The following DOK6 variants were observed in gnomAD, a reference collection of about 807,000 sequenced individuals.
DOK6 encodes downstream of tyrosine kinase 6.
Under a neutral mutation model 44.0 loss-of-function variants are expected in DOK6, and 22 were observed. The ratio of observed to expected loss-of-function variants is 0.50; its 90% CI spans 0.36 to 0.71. The LOEUF (loss-of-function observed/expected upper bound fraction) is 0.71. Among genes scored for constraint, DOK6 ranks in the 30% least tolerant of loss-of-function variants. The pLI, the probability that DOK6 is intolerant of heterozygous loss-of-function variation, is 0.00. For missense variants in DOK6, 340 were observed against 416.4 expected (o/e 0.82, Z 1.60); for synonymous variants, 166 against 145.5 (o/e 1.14, Z -1.01).
chr18:69,414,253 A>T (rs1193676709), intron 1 of DOK6, among the ~76,000 whole-genome samples: 2 of 152,096 alleles, frequency 1.3e-5, no homozygotes, highest in African/African-American at 4.8e-5. Context: ...TGTCAGAGGA[A>T]TGAAACTTCT....
intron 3 of DOK6, among the ~76,000 whole-genome samples, chr18:69,676,123 A>G (rs768435408): frequency 1.3e-5 from 2 of 152,172 alleles, no homozygotes; most frequent in African/African-American, 2.4e-5. Flanking sequence ...TCCTTGACAT[A>G]GTTTGATAGT....
At chr18:69,777,258 T>C (rs934360911) in intron 7 of DOK6, among the ~76,000 whole-genome samples, 1 of 152,086 alleles carries the variant, frequency 6.6e-6, no homozygotes, top group African/African-American at 2.4e-5. Flanking sequence ...ATTATTTTCA[T>C]TAATATTAAG....
chr18:69,715,555 AGTC>A (rs1243347569), intron 5 of DOK6, among the ~76,000 whole-genome samples: 14 of 152,352 alleles, frequency 9.2e-5, no homozygotes, highest in African/African-American at 3.1e-4. Flanking sequence ...CAGAGCTGTC[AGTC>A]GAGTGCATTG....
intron 1 of DOK6, among the ~76,000 whole-genome samples, chr18:69,466,162 C>T (rs908178058): frequency 6.6e-6 from 1 of 152,104 alleles, no homozygotes; most frequent in Non-Finnish European, 1.5e-5. Flanking sequence ...AAACATTATT[C>T]TATTCCTCCG....
chr18:69,607,065 A>T (rs1361957911), intron 3 of DOK6, among the ~76,000 whole-genome samples: 1 of 152,168 alleles, frequency 6.6e-6, no homozygotes, highest in Non-Finnish European at 1.5e-5. Flanking sequence ...AGTCCCAAAG[A>T]GGCAATGTGA....
At chr18:69,429,620 CATATATATATATATATATATATAT>C (rs143819043) in intron 1 of DOK6, among the ~76,000 whole-genome samples, 31,411 of 106,254 alleles carry the variant, frequency 0.3, 4,461 homozygotes, top group East Asian at 0.37. Context: ...TTGAGGGATA[CATATATATATATATATATATATAT>C]ATATATATAT....
At chr18:69,511,426 T>C (rs1021160942) in intron 1 of DOK6, among the ~76,000 whole-genome samples, 3 of 152,132 alleles carry the variant, frequency 2.0e-5, no homozygotes, top group Admixed American at 6.5e-5. Context: ...GAAATAAGGG[T>C]AAATATTTGA....
At chr18:69,758,803 CTG>C (rs541908420) in intron 7 of DOK6, among the ~76,000 whole-genome samples, 44 of 152,296 alleles carry the variant, frequency 2.9e-4, no homozygotes, top group African/African-American at 8.4e-4. Flanking sequence ...GACATTCAGA[CTG>C]TGTTTTTCTT....
intron 3 of DOK6, among the ~76,000 whole-genome samples, chr18:69,652,123 T>C (rs1568322669): frequency 6.6e-6 from 1 of 152,150 alleles, no homozygotes; most frequent in Non-Finnish European, 1.5e-5. Flanking sequence ...AGGGTGTCCT[T>C]CTTTCATTAC....
intron 1 of DOK6, among the ~76,000 whole-genome samples, chr18:69,408,434 C>T (rs984387586): frequency 6.4e-5 from 8 of 124,254 alleles, no homozygotes; most frequent in African/African-American, 2.6e-4. Context: ...ACTAACCTCT[C>T]CTTTCAAAAA....
intron 6 of DOK6, among the ~76,000 whole-genome samples, chr18:69,744,563 TTAATC>T (rs1275895901): frequency 9.9e-5 from 15 of 152,240 alleles, no homozygotes; most frequent in Admixed American, 9.2e-4. Flanking sequence ...GTGATCCCAA[TTAATC>T]AATTCACTTA....
chr18:69,605,478 C>T (rs900037918), intron 3 of DOK6, among the ~76,000 whole-genome samples: 1 of 152,016 alleles, frequency 6.6e-6, no homozygotes, highest in African/African-American at 2.4e-5. Context: ...CTGTCTTTTC[C>T]TTGAGGTCTC....
intron 2 of DOK6, among the ~76,000 whole-genome samples, chr18:69,581,413 T>G (rs909173130): frequency 6.6e-6 from 1 of 152,242 alleles, no homozygotes; most frequent in African/African-American, 2.4e-5. Context: ...TTAGGCTATT[T>G]GTTAAAGGAA....
chr18:69,530,872 T>G (rs1178633485), intron 1 of DOK6, among the ~76,000 whole-genome samples: 1 of 152,136 alleles, frequency 6.6e-6, no homozygotes, highest in Non-Finnish European at 1.5e-5. Context: ...GGTGTTAAAG[T>G]CTCCTATTAT....
At chr18:69,729,051 C>G (rs1392873552) in intron 5 of DOK6, among the ~76,000 whole-genome samples, 1 of 152,126 alleles carries the variant, frequency 6.6e-6, no homozygotes, top group African/African-American at 2.4e-5. Flanking sequence ...CAAAGATCTA[C>G]AAGCTCTGTT....
chr18:69,704,255 G>A (rs1268162371), intron 5 of DOK6, among the ~76,000 whole-genome samples: 1 of 152,074 alleles, frequency 6.6e-6, no homozygotes, highest in African/African-American at 2.4e-5. Context: ...ATCTGCGAGG[G>A]GACAAGTAGG....
At chr18:69,666,997 C>A (rs1417371359) in intron 3 of DOK6, among the ~76,000 whole-genome samples, 7 of 152,116 alleles carry the variant, frequency 4.6e-5, no homozygotes, top group Non-Finnish European at 7.4e-5. Flanking sequence ...GAAGGACCCC[C>A]CCTCCCCGCC....
intron 1 of DOK6, among the ~76,000 whole-genome samples, chr18:69,418,884 A>G (rs753964726): frequency 1.3e-5 from 2 of 152,136 alleles, no homozygotes; most frequent in Non-Finnish European, 2.9e-5. Context: ...TAGTGGGGAA[A>G]AAACTTTTTT....
Position 69,525,761 on chromosome 18 carries a change from A to T in DOK6, c.67-38726A>T, listed in dbSNP as rs570473450. Reference sequence around the variant, plus strand: ...GCATAAAAGTAGCCACAGACAATACATAAGTGAATGTGCTCCAATAAAAGT... The same window carrying T: ...GCATAAAAGTAGCCACAGACAATACTTAAGTGAATGTGCTCCAATAAAAGT... On this transcript the variant is annotated intron_variant, in intron 1 of 7. Transcript: ENST00000382713. 1.9e-4 allele frequency among the ~76,000 whole-genome samples: 29 copies of T among 152,214 alleles called. No homozygotes were observed. The South Asian group carries it at 4.6e-3, about 24-fold the overall frequency.
Sources: gnomAD v4.1 joint callset for allele counts (sites outside exome capture counted in the v4.1 genomes callset) on GRCh38, gnomAD v4.1.1 for gene constraint, MANE v1.5 for transcripts, NCBI Gene and HGNC (gene_info 2026-07-23, HGNC 2026-07-21) for gene names.